MPND: variants seen among roughly 807,000 people sequenced by gnomAD.
MPND encodes the protein MPN domain-containing protein.
MPND carries 56 observed loss-of-function variants against 59.2 expected under a neutral mutation model. That is an observed-to-expected ratio of 0.95 (90% CI 0.76 to 1.18). The LOEUF (loss-of-function observed/expected upper bound fraction) is 1.18. Among genes scored for constraint, MPND ranks in the 50% most tolerant of loss-of-function variants. The probability of loss-of-function intolerance (pLI) is 0.00; values close to 1 mark genes in which losing one functional copy is unlikely to be tolerated. For missense variants in MPND, 671 were observed against 676.0 expected, an observed-to-expected ratio of 0.99 and a Z score of 0.08; for synonymous variants, 323 against 291.9, an observed-to-expected ratio of 1.11 and a Z score of -1.09.
intron 8 of MPND, among the ~76,000 whole-genome samples, chr19:4,355,905 A>AGT (rs1490096883): frequency 2.2e-5 from 3 of 137,798 alleles, no homozygotes; most frequent in Admixed American, 7.8e-5. Flanking sequence ...CCCAGGATGG[A>AGT]GTGCAGGGCG....
chr19:4,347,790 C>A, intron 3 of MPND: 1 of 456,352 alleles, frequency 2.2e-6, no homozygotes. Context: ...ACCCTTGACC[C>A]TTCACATGAT....
intron 3 of MPND, among the ~76,000 whole-genome samples, chr19:4,352,633 G>A (rs1401124586): frequency 2.6e-5 from 4 of 152,046 alleles, no homozygotes; most frequent in African/African-American, 7.3e-5. Context: ...GCAGTGAGCC[G>A]AAATCACACC....
chr19:4,355,102 A>T lies in MPND; in HGVS notation c.925A>T (p.Thr309Ser). The change falls in exon 8 of 13, where the codon ACG (threonine) becomes TCG (serine). Residue 309 changes from threonine to serine, a missense_variant. Thr to Ser is a moderately conservative substitution (Grantham distance 58). Transcript: ENST00000599840. Reference protein sequence around the residue: ...GRWDVNSQMLTVLRAFPCRSR... With the variant: ...GRWDVNSQMLSVLRAFPCRSR... ...ACAGCTGCCCCTCCCCACAGTGCTGACGGTGCTCAGAGCCTTCCCTTGTCG... is the reference window on the plus strand; with the variant it reads ...ACAGCTGCCCCTCCCCACAGTGCTGTCGGTGCTCAGAGCCTTCCCTTGTCG... The T allele has an allele frequency of 6.2e-7, 1 of 1,613,880 alleles. No homozygotes were observed. The highest frequency in any genetic ancestry group is 8.5e-7 in the Non-Finnish European group (1 of 1,180,006).
rs1404532685 is a variant in MPND at position 4,354,322 on chromosome 19, A to G, written c.750-2A>G. On this transcript the variant is annotated splice_acceptor_variant, in intron 5 of 12. Coordinates refer to ENST00000599840, the MANE Select transcript of MPND (RefSeq NM_001300862.2). LOFTEE classifies it high-confidence loss of function. Reference sequence around the variant, plus strand: ...ACTGTGCGACCCTCCTGGCCCCTACAGGAACCCCCACACCCTGGTGGAAGT... The same window carrying G: ...ACTGTGCGACCCTCCTGGCCCCTACGGGAACCCCCACACCCTGGTGGAAGT... The G allele has an allele frequency of 6.4e-7, 1 of 1,556,108 alleles. No homozygotes were observed. Among genetic ancestry groups the G allele is most frequent in the Non-Finnish European group, 8.7e-7 (1 of 1,148,958 alleles).
chr19:4,359,182 A>G lies in MPND; in HGVS notation c.1346A>G (p.Tyr449Cys). 1.9e-6 allele frequency: 3 copies of G among 1,613,046 alleles called. No individual in the cohort carries two copies. The highest frequency in any genetic ancestry group is 1.7e-6 in the Non-Finnish European group (2 of 1,179,564). The change falls in exon 12 of 13, where the codon TAC becomes TGC. Residue 449 changes from tyrosine (Y) to cysteine (C), a missense_variant. Tyr to Cys is a radical substitution (Grantham distance 194). Transcript: ENST00000599840. The part of the protein sequence containing the change: ...LHEMMLLVEF[Y>C]KGSPDLVRLQ... The stretch of plus-strand genomic sequence containing the variant: ...CTGTAGATGCTGCTGGTGGAGTTCT[A>G]CAAGGGTTCCCCTGACCTCGTGAGG...
intron 3 of MPND, among the ~76,000 whole-genome samples, chr19:4,349,596 C>T (rs938843166): frequency 5.9e-5 from 9 of 151,982 alleles, no homozygotes; most frequent in Non-Finnish European, 8.8e-5. Flanking sequence ...CTGCAACCTC[C>T]GCCTCTTGGG....
chr19:4,351,241 T>C (rs1415973033), intron 3 of MPND, among the ~76,000 whole-genome samples: 1 of 152,110 alleles, frequency 6.6e-6, no homozygotes, highest in Non-Finnish European at 1.5e-5. Flanking sequence ...GTAGCTGGGA[T>C]TGCAGGTGTT....
At chr19:4,353,383 T>C (rs1173714413) in intron 4 of MPND, among the ~76,000 whole-genome samples, 2 of 152,154 alleles carry the variant, frequency 1.3e-5, no homozygotes, top group Non-Finnish European at 2.9e-5. Context: ...TTCTCCTGCC[T>C]CAGCCTCCCA....
chr19:4,354,420 G>A lies in MPND; in HGVS notation c.846G>A (p.Leu282=), dbSNP rs935231193. Residue 282 remains leucine (L), a splice_region_variant and synonymous_variant, in exon 6 of 13, where the codon CTG becomes CTA. Transcript: ENST00000599840. ...VAVSSNVLFL[L]DFHSHLTRSE... The stretch of plus-strand genomic sequence containing the variant: ...TTTCTAGCAACGTGCTGTTCCTGCT[G>A]GTGTGTGGCCCACCCTGTCTAGGGG... 3 of 1,554,642 alleles carry A rather than the reference G, an allele frequency of 1.9e-6. No homozygotes were observed. Among genetic ancestry groups the A allele is most frequent in the Non-Finnish European group, 2.6e-6 (3 of 1,148,234 alleles).
rs371023215 is a variant in MPND at position 4,359,935 on chromosome 19, C to T, written c.1439C>T (p.Thr480Met). The T allele has an allele frequency of 3.9e-5, 61 of 1,571,906 alleles. No individual in the cohort carries two copies. The highest frequency in any genetic ancestry group is 1.7e-4 in the Middle Eastern group (1 of 6,026). The stretch of plus-strand genomic sequence containing the variant: ...TTTCAGATCTCCTTGGCCAGCAGGA[C>T]GCCCAAGGACCAGAGCCTGTGTCAC... Reference protein sequence around the residue: ...DKLKISLASRTPKDQSLCHVL... With the variant: ...DKLKISLASRMPKDQSLCHVL... Residue 480 changes from threonine (T) to methionine (M), a missense_variant, in exon 13 of 13, where the codon ACG becomes ATG. Coordinates refer to ENST00000599840, the MANE Select transcript of MPND (RefSeq NM_001300862.2).
At chr19:4,352,128 G>A (rs894242426) in intron 3 of MPND, among the ~76,000 whole-genome samples, 16 of 150,612 alleles carry the variant, frequency 1.1e-4, no homozygotes, top group African/African-American at 3.2e-4. Flanking sequence ...AGCCAAGATC[G>A]TGCCACTGCG....
rs1295876653 is a variant in MPND, at chr19:4,357,503, C to G, written c.1166-12C>G. On this transcript the variant is annotated splice_polypyrimidine_tract_variant and intron_variant, in intron 9 of 12. Coordinates refer to ENST00000599840, the MANE Select transcript of MPND (RefSeq NM_001300862.2). ...CCTCCCAGGGCCAACCCCTCTCCCT[C>G]TCTCCCGCCAGCCCCTTACTATTCT... is the stretch of plus-strand genomic sequence containing the variant. 8.7e-6 allele frequency: 14 copies of G among 1,612,472 alleles called. No homozygotes were observed. Among genetic ancestry groups the G allele is most frequent in the Middle Eastern group, 3.3e-4 (2 of 6,076 alleles).
At chr19:4,353,075 CG>C in intron 4 of MPND, 46 bp downstream of exon 4, 1 of 1,308,038 alleles carries the variant, frequency 7.6e-7, no homozygotes, top group Non-Finnish European at 9.9e-7. Flanking sequence ...GGATACAGCT[CG>C]GGTTGGGGAG....
intron 3 of MPND, among the ~76,000 whole-genome samples, chr19:4,347,610 C>T (rs2144817326): frequency 6.6e-6 from 1 of 152,092 alleles, no homozygotes; most frequent in East Asian, 1.9e-4. Context: ...AACACTAGTC[C>T]ATGTTAAAAG....
At chr19:4,350,463 G>T (rs531212187) in intron 3 of MPND, among the ~76,000 whole-genome samples, 1 of 152,276 alleles carries the variant, frequency 6.6e-6, no homozygotes, top group South Asian at 2.1e-4. Context: ...GGGGGTTAGG[G>T]TGGGATCCAG....
chr19:4,347,667 T>C (rs1972216061), intron 3 of MPND: 2 of 374,184 alleles, frequency 5.3e-6, no homozygotes, highest in South Asian at 8.1e-5. Flanking sequence ...TTTTTAAACT[T>C]GTGACAAAGG....
At position 4,359,158 on chromosome 19, in the gene MPND, T is replaced by A; in HGVS notation, c.1327-5T>A. 6.2e-7 allele frequency: 1 copy of A among 1,610,742 alleles called. No individual in the cohort carries two copies. Among genetic ancestry groups the A allele is most frequent in the South Asian group, 1.1e-5 (1 of 91,022 alleles). On this transcript the variant is annotated splice_polypyrimidine_tract_variant and splice_region_variant and intron_variant, in intron 11 of 12. Coordinates refer to ENST00000599840, the MANE Select transcript of MPND (RefSeq NM_001300862.2). ...CCTGGGAGTCCATGCTCCTCTGTCC[T>A]GTAGATGCTGCTGGTGGAGTTCTAC... is the stretch of plus-strand genomic sequence containing the variant.
At chr19:4,353,424 C>T (rs1162274409) in intron 4 of MPND, among the ~76,000 whole-genome samples, 1 of 152,120 alleles carries the variant, frequency 6.6e-6, no homozygotes, top group Non-Finnish European at 1.5e-5. Flanking sequence ...CCAGCCGCCA[C>T]GCCTGGCTAA....
At position 4,345,725 on chromosome 19, in the gene MPND, C is replaced by G; in HGVS notation, c.295-20C>G. The G allele has an allele frequency of 6.2e-7, 1 of 1,612,084 alleles. No individual in the cohort carries two copies. The highest frequency in any genetic ancestry group is 8.5e-7 in the Non-Finnish European group (1 of 1,178,650). On this transcript the variant is annotated intron_variant, in intron 2 of 12. Transcript: ENST00000599840. ...TGGTGGGTGTTGGTCCTGGGCCCAG[C>G]CAGCTGACTGTCACTGCAGGGGAAG...
Sources: allele counts gnomAD v4.1 joint callset (sites outside exome capture counted in the v4.1 genomes callset), GRCh38; gene constraint gnomAD v4.1.1; transcripts MANE v1.5; gene names NCBI Gene and HGNC (gene_info 2026-07-23, HGNC 2026-07-21).